The following LARGE1 variants were observed in gnomAD, a reference collection of about 807,000 sequenced individuals.
LARGE1 encodes xylosyl- and glucuronyltransferase LARGE1.
In LARGE1, 43 loss-of-function variants were observed where a neutral mutation model predicts 87.6. That is an observed-to-expected ratio of 0.49 (90% CI 0.38 to 0.63). LARGE1 has a LOEUF of 0.63. Ranked by LOEUF, LARGE1 falls within the 30% of genes least tolerant of loss-of-function variation. LARGE1 has a pLI of 0.00. For missense variants in LARGE1, 802 were observed against 1,000.2 expected (o/e 0.80, Z 2.67); for synonymous variants, 434 against 394.6 (o/e 1.10, Z -1.18).
chr22:33,915,042 C>CAGAGAGAGAGAGAGAGAGAG (rs57289711), intron 1 of LARGE1, among the ~76,000 whole-genome samples: 21 of 137,110 alleles, frequency 1.5e-4, no homozygotes, highest in African/African-American at 5.5e-4. Flanking sequence ...CACACACACA[C>CAGAGAGAGAGAGAGAGAGAG]AGAGAGAGAG....
At chr22:33,393,876 T>C in intron 7 of LARGE1, among the ~76,000 whole-genome samples, 1 of 152,242 alleles carries the variant, frequency 6.6e-6, no homozygotes, top group Non-Finnish European at 1.5e-5. Flanking sequence ...AATGAATAAA[T>C]AAATTAAAAA....
chr22:33,458,054 T>C (rs187334868), intron 6 of LARGE1, among the ~76,000 whole-genome samples: 1 of 152,282 alleles, frequency 6.6e-6, no homozygotes, highest in African/African-American at 2.4e-5. Flanking sequence ...ACCATCTAAC[T>C]TGGTGCCAGA....
chr22:33,239,535 CTTTTTTTTTT>C (rs71187254), intron 11 of LARGE1, among the ~76,000 whole-genome samples: 9 of 95,292 alleles, frequency 9.4e-5, no homozygotes, highest in African/African-American at 3.5e-4. Flanking sequence ...TTTTTCTTTT[CTTTTTTTTTT>C]TTTTTTTTTT....
At chr22:33,814,724 ATG>A (rs5845113) in intron 1 of LARGE1, among the ~76,000 whole-genome samples, 10,328 of 150,638 alleles carry the variant, frequency 0.069, 466 homozygotes, top group South Asian at 0.19. Context: ...ATCAAGGTAT[ATG>A]TGTGTGTGTG....
At chr22:33,130,230 C>T in the LARGE1 span, among the ~76,000 whole-genome samples, 5 of 143,976 alleles carry the variant, frequency 3.5e-5, no homozygotes, top group Non-Finnish European at 7.5e-5. Flanking sequence ...AGGAAAATGG[C>T]GTGAACCCGG....
intron 1 of LARGE1, among the ~76,000 whole-genome samples, chr22:33,781,337 C>T (rs2085414005): frequency 6.6e-6 from 1 of 152,086 alleles, no homozygotes. Flanking sequence ...CCCATCTCTA[C>T]TAAAAATACA....
chr22:33,896,940 A>T (rs1424159183), intron 1 of LARGE1, among the ~76,000 whole-genome samples: 1 of 152,170 alleles, frequency 6.6e-6, no homozygotes, highest in Non-Finnish European at 1.5e-5. Flanking sequence ...GGGGTATCAG[A>T]GAGAGGTCCT....
intron 11 of LARGE1, among the ~76,000 whole-genome samples, chr22:33,183,601 A>AACACACACACACACAC (rs779274464): frequency 9.6e-6 from 1 of 104,208 alleles, no homozygotes; most frequent in African/African-American, 3.7e-5. Context: ...TGATGGATAA[A>AACACACACACACACAC]ACACACACAC....
chr22:33,449,799 CA>C (rs1347859255), intron 6 of LARGE1, among the ~76,000 whole-genome samples: 1 of 152,254 alleles, frequency 6.6e-6, no homozygotes, highest in Non-Finnish European at 1.5e-5. Context: ...AGTTGAGCCC[CA>C]ACCCACATTC....
At chr22:33,280,315 C>CAAAAAAAA (rs58680121) in intron 13 of LARGE1, among the ~76,000 whole-genome samples, 6 of 67,418 alleles carry the variant, frequency 8.9e-5, no homozygotes, top group Admixed American at 1.7e-4. Context: ...GGTAACTCCT[C>CAAAAAAAA]AAAAAAAAAA....
At chr22:33,718,893 C>A (rs367672700) in intron 2 of LARGE1, among the ~76,000 whole-genome samples, 19 of 152,268 alleles carry the variant, frequency 1.2e-4, no homozygotes, top group African/African-American at 4.1e-4. Context: ...CAGGTTCAAG[C>A]GATTCTCCTG....
At chr22:33,831,180 A>G (rs1601722466) in intron 1 of LARGE1, among the ~76,000 whole-genome samples, 2 of 145,360 alleles carry the variant, frequency 1.4e-5, no homozygotes, top group South Asian at 4.3e-4. Flanking sequence ...TCCTGGCCTC[A>G]GGTGATCCAC....
chr22:33,564,541 A>G (rs920510485), intron 6 of LARGE1, among the ~76,000 whole-genome samples: 1 of 152,190 alleles, frequency 6.6e-6, no homozygotes, highest in Non-Finnish European at 1.5e-5. Flanking sequence ...TAAAAAGAAA[A>G]CCAATGAACA....
intron 1 of LARGE1, among the ~76,000 whole-genome samples, chr22:33,872,843 CA>C (rs1205209675): frequency 6.6e-6 from 1 of 151,894 alleles, no homozygotes; most frequent in Non-Finnish European, 1.5e-5. Flanking sequence ...ACTGAAAACA[CA>C]AAAAAATAAG....
rs973268744 is a variant in LARGE1 at position 33,527,152 on chromosome 22, C to T, written c.787+37696G>A. ...ATGCCTCTAATCCCAGCTACTCGGG[C>T]GGCTGAGGCAGGAGAATCACTTCAA... On this transcript the variant is annotated intron_variant, in intron 6 of 14. Coordinates refer to ENST00000397394, the MANE Select transcript of LARGE1 (RefSeq NM_133642.5). 2.6e-5 allele frequency among the ~76,000 whole-genome samples: 4 copies of T among 152,082 alleles called. No homozygotes were observed. The East Asian group carries it at 5.8e-4, about 22-fold the overall frequency.
At chr22:33,445,864 G>C (rs944651594) in intron 6 of LARGE1, among the ~76,000 whole-genome samples, 3 of 151,922 alleles carry the variant, frequency 2.0e-5, no homozygotes, top group African/African-American at 7.3e-5. Context: ...TGGCCAGGCT[G>C]GTCTCGAACT....
chr22:33,313,103 C>G (rs1935783158), intron 11 of LARGE1, among the ~76,000 whole-genome samples: 1 of 152,168 alleles, frequency 6.6e-6, no homozygotes, highest in Non-Finnish European at 1.5e-5. Context: ...TGATCCAGCC[C>G]TTGCCTACCT....
At chr22:33,754,620 G>A (rs948337284) in intron 2 of LARGE1, among the ~76,000 whole-genome samples, 5 of 152,176 alleles carry the variant, frequency 3.3e-5, no homozygotes, top group Non-Finnish European at 7.3e-5. Context: ...ACAGGCGTGA[G>A]CCACCGTGCC....
intron 2 of LARGE1, among the ~76,000 whole-genome samples, chr22:33,675,081 T>C (rs957949061): frequency 2.0e-5 from 3 of 150,486 alleles, no homozygotes; most frequent in Admixed American, 1.3e-4. Context: ...TCACCTGAGG[T>C]CGAATGTTCG....
Sources: gnomAD v4.1 joint callset for allele counts (sites outside exome capture counted in the v4.1 genomes callset) on GRCh38, gnomAD v4.1.1 for gene constraint, MANE v1.5 for transcripts, NCBI Gene and HGNC (gene_info 2026-07-23, HGNC 2026-07-21) for gene names.